PLBD2: variants seen among roughly 807,000 people sequenced by gnomAD.
PLBD2 encodes putative aminopeptidase PLBD2.
In PLBD2, 51 loss-of-function variants were observed where a neutral mutation model predicts 68.3. That is an observed-to-expected ratio of 0.75 (90% CI 0.60 to 0.94). The LOEUF (loss-of-function observed/expected upper bound fraction) is 0.94, where lower values mean the gene tolerates loss of function less well. Among genes scored for constraint, PLBD2 ranks in the 40% least tolerant of loss-of-function variants. The pLI is 0.00. For synonymous variants in PLBD2, 314 were observed against 339.3 expected, an observed-to-expected ratio of 0.93 and a Z score of 0.82; for missense variants, 729 against 792.2, an observed-to-expected ratio of 0.92 and a Z score of 0.96.
chr12:113,362,655 G>A (rs1273120737), intron 1 of PLBD2, among the ~76,000 whole-genome samples: 2 of 151,604 alleles, frequency 1.3e-5, no homozygotes, highest in Non-Finnish European at 2.9e-5. Context: ...TTTTTGTCAA[G>A]CAAGTGCATT....
intron 3 of PLBD2, among the ~76,000 whole-genome samples, chr12:113,374,196 C>G (rs947238875): frequency 1.3e-5 from 2 of 152,136 alleles, no homozygotes; most frequent in Non-Finnish European, 2.9e-5. Flanking sequence ...TGGGAGGCGT[C>G]CTAGAAGAGA....
At chr12:113,378,704 G>C (rs976548421) in intron 5 of PLBD2, among the ~76,000 whole-genome samples, 1 of 130,060 alleles carries the variant, frequency 7.7e-6, no homozygotes, top group African/African-American at 2.9e-5. Context: ...TTTTTTCTTT[G>C]AGACAGAGTC....
At chr12:113,387,318 C>T (rs139482496) in intron 10 of PLBD2, among the ~76,000 whole-genome samples, 25 of 152,270 alleles carry the variant, frequency 1.6e-4, no homozygotes, top group African/African-American at 6.0e-4. Flanking sequence ...GTTGAGTGAC[C>T]TGTACTGCTA....
In PLBD2 at chr12:113,372,886, T is replaced by C; in HGVS notation, c.543+79T>C. On this transcript the variant is annotated intron_variant, in intron 3 of 11. Transcript: ENST00000280800. The surrounding 1 kb of genome is among the most constrained non-coding windows in gnomAD (Gnocchi z 4.2). ...CTGTCTCCTGTTGTTCTGGCCAGCCTTGTGGCATGTCCAGCTGCCCAGCCG... is the reference window on the plus strand; with the variant it reads ...CTGTCTCCTGTTGTTCTGGCCAGCCCTGTGGCATGTCCAGCTGCCCAGCCG... The C allele has an allele frequency of 6.6e-6, 10 of 1,516,942 alleles. No homozygotes were observed. The highest frequency in any genetic ancestry group is 8.9e-6 in the Non-Finnish European group (10 of 1,122,406). 94.0% of individuals were successfully genotyped at this position (1,516,942 alleles called of 1,614,324 possible).
At chr12:113,387,153 C>A in intron 10 of PLBD2, 64 bp downstream of exon 10, 1 of 1,490,668 alleles carries the variant, frequency 6.7e-7, no homozygotes, top group Non-Finnish European at 8.9e-7. Flanking sequence ...ACTTCCTGTG[C>A]GCTTTTTGTA....
intron 9 of PLBD2, 122 bp downstream of exon 9, chr12:113,385,405 T>G (rs982470224): frequency 2.1e-6 from 2 of 931,944 alleles, no homozygotes; most frequent in East Asian, 2.6e-5. Flanking sequence ...CTACCCCCTT[T>G]TCTGGCCAGG....
At chr12:113,376,630 G>A (rs1208766031) in intron 5 of PLBD2, among the ~76,000 whole-genome samples, 2 of 152,200 alleles carry the variant, frequency 1.3e-5, no homozygotes, top group African/African-American at 2.4e-5. Flanking sequence ...CCAATTGCAA[G>A]GATTGCATGA....
At chr12:113,377,631 G>A (rs1244504401) in intron 5 of PLBD2, among the ~76,000 whole-genome samples, 3 of 152,100 alleles carry the variant, frequency 2.0e-5, no homozygotes, top group African/African-American at 4.8e-5. Context: ...TCGCCATGTT[G>A]GCCAGGCTGG....
chr12:113,380,796 G>T lies in PLBD2; in HGVS notation c.911G>T (p.Gly304Val). Residue 304 changes from glycine (G) to valine (V), a missense_variant, in exon 6 of 12, where the codon GGC becomes GTC. Coordinates refer to ENST00000280800, the MANE Select transcript of PLBD2 (RefSeq NM_173542.4). ...AAGCTGGTCTTCTCCTCCTACCCCG[G>T]CACCATCTTCTCCTGCGACGACTTC... The part of the protein sequence containing the change: ...GNKLVFSSYP[G>V]TIFSCDDFYI... 2 of 1,556,948 alleles carry T rather than the reference G, an allele frequency of 1.3e-6. No homozygotes were observed. Among genetic ancestry groups the T allele is most frequent in the Non-Finnish European group, 1.7e-6 (2 of 1,150,110 alleles).
chr12:113,368,972 G>A lies in PLBD2; in HGVS notation c.291-144G>A, dbSNP rs185035328. 76 of 561,030 alleles carry A rather than the reference G, an allele frequency of 1.4e-4. 1 individual carries two copies. The East Asian group carries it at 1.9e-3, about 14-fold the overall frequency. The allele number at this position is 561,030 out of a possible 1,614,324, so 34.8% of individuals were successfully genotyped here. ...AGTTCCTCTTGGAGGGATTTAATCCGGCAAGCTCACAAAGATGGACAGACA... is the reference window on the plus strand; with the variant it reads ...AGTTCCTCTTGGAGGGATTTAATCCAGCAAGCTCACAAAGATGGACAGACA... On this transcript the variant is annotated intron_variant, in intron 1 of 11. Coordinates refer to ENST00000280800, the MANE Select transcript of PLBD2 (RefSeq NM_173542.4).
At position 113,372,857 on chromosome 12, in the gene PLBD2, C is replaced by A; in HGVS notation, c.543+50C>A. 4.4e-6 allele frequency: 7 copies of A among 1,588,408 alleles called. No homozygotes were observed. The highest frequency in any genetic ancestry group is 6.0e-6 in the Non-Finnish European group (7 of 1,168,656). ...GGGAGGGGGCTTCCAGCTGGCCAGC[C>A]ATCCTGTCTCCTGTTGTTCTGGCCA... On this transcript the variant is annotated intron_variant, in intron 3 of 11. Coordinates refer to ENST00000280800, the MANE Select transcript of PLBD2 (RefSeq NM_173542.4). The surrounding 1 kb of genome is among the most constrained non-coding windows in gnomAD (Gnocchi z 4.2).
At position 113,384,786 on chromosome 12, in the gene PLBD2, A is replaced by G; in HGVS notation, c.1119-65A>G. The G allele has an allele frequency of 7.3e-7, 1 of 1,368,186 alleles. No homozygotes were observed. The highest frequency in any genetic ancestry group is 1.2e-5 in the South Asian group (1 of 83,312). 84.8% of individuals were successfully genotyped at this position (1,368,186 alleles called of 1,614,324 possible). On this transcript the variant is annotated intron_variant, in intron 7 of 11. Transcript: ENST00000280800. This position sits in a 1 kb window ranked among gnomAD's most constrained non-coding sequence, Gnocchi z 4.2. ...AATTCCTAGCTGAGTGGGACACTGC[A>G]GGGTGGGGAAAGCTGGGGAGGTGGC... is the stretch of plus-strand genomic sequence containing the variant.
At chr12:113,385,928 T>G (rs1175744819) in intron 9 of PLBD2, among the ~76,000 whole-genome samples, 3 of 152,038 alleles carry the variant, frequency 2.0e-5, no homozygotes, top group African/African-American at 7.2e-5. Flanking sequence ...TTTTTCTATT[T>G]TCAGTAGAGA....
At position 113,387,015 on chromosome 12, in the gene PLBD2, G is replaced by A; in HGVS notation, c.1365G>A (p.Gly455=). The A allele has an allele frequency of 6.2e-7, 1 of 1,612,496 alleles. No individual in the cohort carries two copies. The highest frequency in any genetic ancestry group is 8.5e-7 in the Non-Finnish European group (1 of 1,179,386). ...ATGGGGACTGGTTTTCTTATGACGGGAGCCCCCGGGCCCAGATCTTCCGGC... is the reference window on the plus strand; with the variant it reads ...ATGGGGACTGGTTTTCTTATGACGGAAGCCCCCGGGCCCAGATCTTCCGGC... The part of the protein sequence containing the change: ...AQYGDWFSYD[G]SPRAQIFRRN... Residue 455 remains glycine, a synonymous_variant, in exon 10 of 12, where the codon GGG becomes GGA. Transcript: ENST00000280800.
chr12:113,380,870 T>A lies in PLBD2; in HGVS notation c.957+28T>A, dbSNP rs1319978887. 2.6e-6 allele frequency: 4 copies of A among 1,539,930 alleles called. No homozygotes were observed. The South Asian group carries it at 4.8e-5, about 18-fold the overall frequency. ...GAGTCCCTTTCTCATGTCTCCTCTGTTCCTGGGGTGTTTGTCACACGGCGG... is the reference window on the plus strand; with the variant it reads ...GAGTCCCTTTCTCATGTCTCCTCTGATCCTGGGGTGTTTGTCACACGGCGG... On this transcript the variant is annotated intron_variant, in intron 6 of 11. Coordinates refer to ENST00000280800, the MANE Select transcript of PLBD2 (RefSeq NM_173542.4).
intron 1 of PLBD2, among the ~76,000 whole-genome samples, chr12:113,363,505 CT>C (rs1696017177): frequency 6.6e-6 from 1 of 151,422 alleles, no homozygotes; most frequent in South Asian, 2.1e-4. Context: ...AAGCCTCCCC[CT>C]ACCATTCTTC....
intron 1 of PLBD2, among the ~76,000 whole-genome samples, chr12:113,366,659 G>A (rs1442178224): frequency 6.6e-6 from 1 of 151,728 alleles, no homozygotes; most frequent in Non-Finnish European, 1.5e-5. Context: ...ATTATTTCGT[G>A]TAGACAGAGT....
At chr12:113,379,710 G>A (rs1203591339) in intron 5 of PLBD2, among the ~76,000 whole-genome samples, 2 of 152,072 alleles carry the variant, frequency 1.3e-5, no homozygotes, top group African/African-American at 4.8e-5. Flanking sequence ...TACTCGGGAG[G>A]CTGAGGCAGG....
Position 113,386,922 on chromosome 12 carries a change from C to G in PLBD2, c.1287-15C>G, listed in dbSNP as rs1957558506. On this transcript the variant is annotated splice_polypyrimidine_tract_variant and intron_variant, in intron 9 of 11. Coordinates refer to ENST00000280800, the MANE Select transcript of PLBD2 (RefSeq NM_173542.4). ...GCCAGTGGGGGTCATGGGTGACCATCCTTGTCCCCGGCAGGTCCTTCGAGA... is the reference window on the plus strand; with the variant it reads ...GCCAGTGGGGGTCATGGGTGACCATGCTTGTCCCCGGCAGGTCCTTCGAGA... The G allele has an allele frequency of 6.2e-7, 1 of 1,612,502 alleles. No individual in the cohort carries two copies. Among genetic ancestry groups the G allele is most frequent in the Non-Finnish European group, 8.5e-7 (1 of 1,179,506 alleles).
Sources: allele counts gnomAD v4.1 joint callset (sites outside exome capture counted in the v4.1 genomes callset), GRCh38; gene constraint gnomAD v4.1.1; non-coding constraint Gnocchi (gnomAD v3.1); transcripts MANE v1.5; gene names NCBI Gene and HGNC (gene_info 2026-07-23, HGNC 2026-07-21).